The following GABRB3 variants were observed in gnomAD, a reference collection of about 807,000 sequenced individuals.
GABRB3 encodes gamma-aminobutyric acid type A receptor subunit beta3, also known as gamma-aminobutyric acid receptor subunit beta-3.
GABRB3 carries 14 observed loss-of-function variants against 52.1 expected under a neutral mutation model. The ratio of observed to expected loss-of-function variants is 0.27; its 90% CI spans 0.18 to 0.42. The LOEUF is 0.42. Ranked by LOEUF, GABRB3 falls within the 10% of genes least tolerant of loss-of-function variation. The probability of loss-of-function intolerance (pLI) is 1.00; values close to 1 mark genes in which losing one functional copy is unlikely to be tolerated. For synonymous variants in GABRB3, 260 were observed against 232.3 expected, an observed-to-expected ratio of 1.12 and a Z score of -1.08; for missense variants, 307 against 609.1, an observed-to-expected ratio of 0.50 and a Z score of 5.22.
intron 3 of GABRB3, among the ~76,000 whole-genome samples, chr15:26,656,683 T>C (rs973037567): frequency 3.3e-5 from 5 of 152,142 alleles, no homozygotes; most frequent in Non-Finnish European, 7.3e-5. Context: ...GGGATCTAGG[T>C]TGCACACTCC....
rs533859559 is a variant in GABRB3 at position 26,547,394 on chromosome 15, C to G, written c.*399G>C. On this transcript the variant is annotated 3_prime_UTR_variant, in exon 9 of 9. Coordinates refer to ENST00000311550, the MANE Select transcript of GABRB3 (RefSeq NM_000814.6). ...ATCTAACTTATGATAATACAAGACA[C>G]ATTTGGGGATGATATTGTGTTTCAC... The G allele has an allele frequency of 1.2e-4, 53 of 429,100 alleles. No homozygotes were observed. The highest frequency in any genetic ancestry group is 1.8e-4 in the Non-Finnish European group (45 of 243,830). The allele number at this position is 429,100 out of a possible 1,614,324, so 26.6% of individuals were successfully genotyped here.
intron 4 of GABRB3, among the ~76,000 whole-genome samples, chr15:26,595,189 C>G (rs1714344675): frequency 6.6e-6 from 1 of 152,216 alleles, no homozygotes; most frequent in South Asian, 2.1e-4. Flanking sequence ...ACCCTGTAGC[C>G]TTAATGAGCA....
intron 3 of GABRB3, among the ~76,000 whole-genome samples, chr15:26,752,827 T>C (rs1329018737): frequency 6.6e-6 from 1 of 152,070 alleles, no homozygotes; most frequent in Non-Finnish European, 1.5e-5. Context: ...GCATCCTCCT[T>C]CCGAGGGACG....
At chr15:26,736,842 G>C (rs1272716142) in intron 3 of GABRB3, among the ~76,000 whole-genome samples, 2 of 152,240 alleles carry the variant, frequency 1.3e-5, no homozygotes, top group Non-Finnish European at 2.9e-5. Flanking sequence ...GACAGGGAGA[G>C]GGCCAAAGGG....
intron 3 of GABRB3, among the ~76,000 whole-genome samples, chr15:26,709,222 AG>A (rs1889204299): frequency 6.6e-6 from 1 of 152,124 alleles, no homozygotes; most frequent in African/African-American, 2.4e-5. Flanking sequence ...CCAACGTTGG[AG>A]GTGGGAGCTG....
At chr15:26,615,757 G>C in intron 4 of GABRB3, 6 of 1,132,400 alleles carry the variant, frequency 5.3e-6, no homozygotes, top group Non-Finnish European at 6.6e-6. Flanking sequence ...GCGTAGAGGA[G>C]CTAAGTGGCG....
At chr15:26,567,344 T>C (rs1595445655) in intron 7 of GABRB3, among the ~76,000 whole-genome samples, 1 of 152,250 alleles carries the variant, frequency 6.6e-6, no homozygotes, top group Non-Finnish European at 1.5e-5. Context: ...GCAAATATTC[T>C]GCAAGCATAT....
At chr15:26,604,240 T>C (rs1891695710) in intron 4 of GABRB3, among the ~76,000 whole-genome samples, 1 of 152,086 alleles carries the variant, frequency 6.6e-6, no homozygotes, top group Non-Finnish European at 1.5e-5. Flanking sequence ...ATGAAAATTA[T>C]AAAACATTGA....
At chr15:26,556,064 C>A in intron 8 of GABRB3, among the ~76,000 whole-genome samples, 1 of 152,182 alleles carries the variant, frequency 6.6e-6, no homozygotes, top group East Asian at 1.9e-4. Flanking sequence ...AAATACAAGG[C>A]TGAAATGCCC....
chr15:26,760,537 G>A (rs1408498425), intron 3 of GABRB3, among the ~76,000 whole-genome samples: 4 of 152,104 alleles, frequency 2.6e-5, no homozygotes, highest in Non-Finnish European at 5.9e-5. Context: ...ATTCCAAACA[G>A]TTTATGATAA....
chr15:26,644,942 T>A (rs189016568), intron 3 of GABRB3, among the ~76,000 whole-genome samples: 7 of 152,292 alleles, frequency 4.6e-5, no homozygotes, highest in Admixed American at 2.6e-4. Context: ...TGAAAAACAC[T>A]TGCAATGTCT....
chr15:26,648,107 C>A (rs1351911815), intron 3 of GABRB3, among the ~76,000 whole-genome samples: 1 of 152,178 alleles, frequency 6.6e-6, no homozygotes, highest in Non-Finnish European at 1.5e-5. Context: ...CTCTCCATCA[C>A]CCCAACTGGA....
intron 4 of GABRB3, among the ~76,000 whole-genome samples, chr15:26,603,388 C>G (rs1370886340): frequency 6.6e-6 from 1 of 151,962 alleles, no homozygotes; most frequent in African/African-American, 2.4e-5. Flanking sequence ...GAAGGAAATA[C>G]TTCCAAACTC....
chr15:26,609,844 CTTGAT>C (rs1463947798), intron 4 of GABRB3, among the ~76,000 whole-genome samples: 2 of 152,198 alleles, frequency 1.3e-5, no homozygotes, highest in Admixed American at 6.5e-5. Context: ...CGTTAACTCA[CTTGAT>C]TTAATTATTC....
chr15:26,755,519 T>G (rs1890637378), intron 3 of GABRB3, among the ~76,000 whole-genome samples: 1 of 152,164 alleles, frequency 6.6e-6, no homozygotes, highest in Non-Finnish European at 1.5e-5. Flanking sequence ...ATATGCTATT[T>G]TTTACTATTA....
At chr15:26,642,208 A>G (rs1448097699) in intron 3 of GABRB3, among the ~76,000 whole-genome samples, 1 of 152,138 alleles carries the variant, frequency 6.6e-6, no homozygotes, top group Non-Finnish European at 1.5e-5. Context: ...ATTTTTTTCA[A>G]TAAATATAGT....
intron 3 of GABRB3, among the ~76,000 whole-genome samples, chr15:26,745,151 G>A (rs1890305099): frequency 6.6e-6 from 1 of 152,138 alleles, no homozygotes; most frequent in Admixed American, 6.6e-5. Context: ...CATGAGGACA[G>A]CACCAAGCCA....
rs74568249 is a variant in GABRB3 at position 26,676,822 on chromosome 15, G to T, written c.241-55288C>A. On this transcript the variant is annotated intron_variant, in intron 3 of 8. Transcript: ENST00000311550. ...ATAATACTTTCAAGATAAAATAAAT[G>T]ATTATGATTTCCACATGATACCAGA... Among the ~76,000 whole-genome samples, 1,061 of 152,140 alleles carry T rather than the reference G, an allele frequency of 7.0e-3. 16 individuals are homozygous for T. Among genetic ancestry groups the T allele is most frequent in the African/African-American group, 0.025 (1,031 of 41,526 alleles).
chr15:26,768,196 G>GA (rs929608759), intron 3 of GABRB3, among the ~76,000 whole-genome samples: 24 of 150,818 alleles, frequency 1.6e-4, no homozygotes, highest in African/African-American at 3.9e-4. Context: ...CATGAAATGA[G>GA]AAAAAAAAAG....
Sources: gnomAD v4.1 joint callset for allele counts (sites outside exome capture counted in the v4.1 genomes callset) on GRCh38, gnomAD v4.1.1 for gene constraint, MANE v1.5 for transcripts, NCBI Gene and HGNC (gene_info 2026-07-23, HGNC 2026-07-21) for gene names.